The following ANK1 variants were observed in gnomAD, a reference collection of about 807,000 sequenced individuals.
The protein encoded by ANK1 is ankyrin-1.
Under a neutral mutation model 210.4 loss-of-function variants are expected in ANK1, and 51 were observed. That is an observed-to-expected ratio of 0.24 (90% CI 0.19 to 0.31). The LOEUF (loss-of-function observed/expected upper bound fraction) is 0.31, where lower values mean the gene tolerates loss of function less well. Ranked by LOEUF, ANK1 falls within the 10% of genes least tolerant of loss-of-function variation. The pLI, the probability that ANK1 is intolerant of heterozygous loss-of-function variation, is 1.00. For synonymous variants in ANK1, 967 were observed against 1,025.9 expected, an observed-to-expected ratio of 0.94 and a Z score of 1.10; for missense variants, 2,051 against 2,504.4, an observed-to-expected ratio of 0.82 and a Z score of 3.86.
chr8:41,796,549 G>GAA (rs397947255), intron 1 of ANK1, among the ~76,000 whole-genome samples: 2 of 121,610 alleles, frequency 1.6e-5, no homozygotes, highest in African/African-American at 6.1e-5. Flanking sequence ...TCTCTCCTTA[G>GAA]AAAAAAAAAA....
At chr8:41,860,138 A>T (rs1199980159) in intron 1 of ANK1, among the ~76,000 whole-genome samples, 1 of 152,156 alleles carries the variant, frequency 6.6e-6, no homozygotes, top group Non-Finnish European at 1.5e-5. Context: ...TGGGGGCTGG[A>T]GGGGGAGCCT....
chr8:41,895,643 A>G (rs1353819476), intron 1 of ANK1, among the ~76,000 whole-genome samples: 2 of 151,934 alleles, frequency 1.3e-5, no homozygotes, highest in Non-Finnish European at 2.9e-5. Context: ...AGGCTGGAGC[A>G]CCCGTGCCTG....
chr8:41,688,354 A>G (rs939522811), intron 34 of ANK1, 124 bp from the exon 35 acceptor site: 12 of 1,431,444 alleles, frequency 8.4e-6, no homozygotes, highest in Non-Finnish European at 2.9e-6. Flanking sequence ...ACTCTCTGCA[A>G]GATCAGGGGA....
intron 1 of ANK1, among the ~76,000 whole-genome samples, chr8:41,851,088 C>T (rs146757186): frequency 5.4e-3 from 829 of 152,322 alleles, no homozygotes; most frequent in African/African-American, 0.019. Context: ...TCTGAGCTGA[C>T]TTTTGACAGT....
chr8:41,778,475 TACC>T (rs1176049388), intron 1 of ANK1, among the ~76,000 whole-genome samples: 1 of 152,188 alleles, frequency 6.6e-6, no homozygotes, highest in Non-Finnish European at 1.5e-5. Flanking sequence ...TCCATTTCAA[TACC>T]ACCAATGCTT....
intron 1 of ANK1, among the ~76,000 whole-genome samples, chr8:41,780,724 A>G (rs1845121358): frequency 6.6e-6 from 1 of 152,194 alleles, no homozygotes; most frequent in South Asian, 2.1e-4. Context: ...CTGTGTGTGC[A>G]TGCGTGCATG....
At chr8:41,667,391 G>A (rs1032104454) in intron 39 of ANK1, among the ~76,000 whole-genome samples, 6 of 152,184 alleles carry the variant, frequency 3.9e-5, no homozygotes, top group Admixed American at 6.5e-5. Flanking sequence ...AGAACATGTC[G>A]TTCATGTACA....
chr8:41,667,191 G>C (rs1810841053), intron 39 of ANK1, among the ~76,000 whole-genome samples: 1 of 152,212 alleles, frequency 6.6e-6, no homozygotes, highest in Non-Finnish European at 1.5e-5. Flanking sequence ...CTTGGCAGGG[G>C]AGCATTCTAA....
intron 2 of ANK1, among the ~76,000 whole-genome samples, chr8:41,750,117 C>A (rs1837322256): frequency 6.6e-6 from 1 of 152,230 alleles, no homozygotes; most frequent in Non-Finnish European, 1.5e-5. Flanking sequence ...GATCAAAAGA[C>A]TTGGAATTTG....
At position 41,714,169 on chromosome 8, in the gene ANK1, T is replaced by C. The variant is rs887618823; in HGVS notation, c.1787A>G (p.His596Arg). 3 of 1,433,096 alleles carry C rather than the reference T, an allele frequency of 2.1e-6. No individual in the cohort carries two copies. In the Admixed American group the frequency reaches 6.1e-5, roughly 29 times the overall value. The allele number at this position is 1,433,096 out of a possible 1,614,324, so 88.8% of individuals were successfully genotyped here. A position where few individuals can be genotyped will look rare whatever the true frequency, so the allele number is the denominator to read the frequency against. ...GGCGGGCCTTACCCAGGCAGGGCTG[T>C]GCGGGGAGCCGCCCCGGGGAAGCAG... The part of the protein sequence containing the change: ...KLLLPRGGSP[H>R]SPAWNGYTPL... Residue 596 changes from histidine (H) to arginine (R), a missense_variant, in exon 16 of 43, where the codon CAC (histidine) becomes CGC (arginine). His to Arg is a conservative substitution (Grantham distance 29). This residue lies in a region of ANK1 where 1,413 missense variants were observed against 1,707.4 expected (regional missense o/e 0.83). Coordinates refer to ENST00000289734, the MANE Select transcript of ANK1 (RefSeq NM_000037.4).
intron 2 of ANK1, among the ~76,000 whole-genome samples, chr8:41,757,165 G>A (rs921456880): frequency 3.3e-5 from 5 of 152,168 alleles, no homozygotes; most frequent in African/African-American, 7.2e-5. Flanking sequence ...ACTGTACGCC[G>A]AAAAATGGTT....
At chr8:41,857,063 G>C (rs753152813) in intron 1 of ANK1, among the ~76,000 whole-genome samples, 4 of 151,620 alleles carry the variant, frequency 2.6e-5, no homozygotes, top group African/African-American at 4.8e-5. Context: ...GTTTTCAGTA[G>C]AGACAGGGTT....
chr8:41,663,140 G>A, intron 40 of ANK1, among the ~76,000 whole-genome samples: 1 of 150,972 alleles, frequency 6.6e-6, no homozygotes, highest in East Asian at 1.9e-4. Context: ...GTGTGTGTGT[G>A]TATTTATTTA....
chr8:41,834,557 C>T (rs920597911), intron 1 of ANK1, among the ~76,000 whole-genome samples: 2 of 152,234 alleles, frequency 1.3e-5, no homozygotes, highest in African/African-American at 2.4e-5. Context: ...CTGGCCTCTC[C>T]GCAGCGTTTC....
At chr8:41,688,882 G>A (rs574401850) in intron 33 of ANK1, among the ~76,000 whole-genome samples, 1 of 152,324 alleles carries the variant, frequency 6.6e-6, no homozygotes, top group East Asian at 1.9e-4. Context: ...AGAGGTGGGT[G>A]CTGTATTACT....
intron 6 of ANK1, among the ~76,000 whole-genome samples, chr8:41,725,221 G>C (rs187869686): frequency 6.6e-6 from 1 of 152,222 alleles, no homozygotes; most frequent in Admixed American, 6.5e-5. Context: ...GTGGAAGAGG[G>C]GAGGGGCGGG....
chr8:41,837,562 A>G (rs1400366515), intron 1 of ANK1, among the ~76,000 whole-genome samples: 1 of 152,206 alleles, frequency 6.6e-6, no homozygotes, highest in African/African-American at 2.4e-5. Flanking sequence ...GTCCATGCAC[A>G]TGGTAGAGCT....
chr8:41,793,473 G>A (rs1480670941), intron 1 of ANK1, among the ~76,000 whole-genome samples: 1 of 152,250 alleles, frequency 6.6e-6, no homozygotes, highest in East Asian at 1.9e-4. Context: ...TAAGAACACT[G>A]TGAAGCCACT....
chr8:41,679,920 C>T (rs1815438770), intron 37 of ANK1, among the ~76,000 whole-genome samples: 2 of 152,102 alleles, frequency 1.3e-5, no homozygotes, highest in South Asian at 2.1e-4. Context: ...TCATTTATTT[C>T]CCATGCTTTG....
Sources: allele counts gnomAD v4.1 joint callset (sites outside exome capture counted in the v4.1 genomes callset), GRCh38; gene constraint gnomAD v4.1.1; regional missense constraint gnomAD v4.1.1; transcripts MANE v1.5; gene names NCBI Gene and HGNC (gene_info 2026-07-23, HGNC 2026-07-21).